The following TNR variants were observed in gnomAD, a reference collection of about 807,000 sequenced individuals.
TNR encodes the protein tenascin-R.
Under a neutral mutation model 150.4 loss-of-function variants are expected in TNR, and 45 were observed. The observed-to-expected ratio is 0.30, with a 90% CI of 0.24 to 0.38. TNR has a LOEUF of 0.38. Ranked by LOEUF, TNR falls within the 10% of genes least tolerant of loss-of-function variation. The pLI, the probability that TNR is intolerant of heterozygous loss-of-function variation, is 1.00. For synonymous variants in TNR, 687 were observed against 678.4 expected (o/e 1.01, Z -0.20); for missense variants, 1,544 against 1,759.1 (o/e 0.88, Z 2.19).
chr1:175,504,697 T>C (rs1462819226), intron 2 of TNR, among the ~76,000 whole-genome samples: 1 of 152,104 alleles, frequency 6.6e-6, no homozygotes, highest in African/African-American at 2.4e-5. Flanking sequence ...AGGAAAAGGT[T>C]TAGTCAGGAA....
At chr1:175,620,578 G>T (rs985491183) in intron 1 of TNR, among the ~76,000 whole-genome samples, 3 of 152,198 alleles carry the variant, frequency 2.0e-5, no homozygotes, top group African/African-American at 7.2e-5. Context: ...GGCAGCAGGA[G>T]GCAGAGAGAA....
chr1:175,445,587 C>T (rs1386757782), intron 2 of TNR, among the ~76,000 whole-genome samples: 1 of 152,166 alleles, frequency 6.6e-6, no homozygotes, highest in Non-Finnish European at 1.5e-5. Flanking sequence ...CATTACAGGT[C>T]CCAGAGCAGC....
At chr1:175,497,579 G>A (rs562755681) in intron 2 of TNR, among the ~76,000 whole-genome samples, 1 of 152,176 alleles carries the variant, frequency 6.6e-6, no homozygotes, top group Non-Finnish European at 1.5e-5. Flanking sequence ...AATGCCTAGG[G>A]CAGCTGCTGT....
At chr1:175,422,247 C>T (rs776783377) in intron 2 of TNR, among the ~76,000 whole-genome samples, 2 of 152,216 alleles carry the variant, frequency 1.3e-5, no homozygotes, top group Non-Finnish European at 2.9e-5. Flanking sequence ...ACACTTATCA[C>T]AATAGTTATC....
chr1:175,331,745 A>C (rs1260508374), intron 20 of TNR, among the ~76,000 whole-genome samples: 1 of 152,118 alleles, frequency 6.6e-6, no homozygotes, highest in African/African-American at 2.4e-5. Context: ...GTGACATCTG[A>C]TCTCTACTTG....
rs779905882 is a variant in TNR, at chr1:175,391,273, G to A, written c.1507+15C>T. 8.1e-6 allele frequency: 13 copies of A among 1,612,690 alleles called. No homozygotes were observed. The highest frequency in any genetic ancestry group is 1.0e-5 in the Non-Finnish European group (12 of 1,179,734). On this transcript the variant is annotated intron_variant, in intron 7 of 22. Coordinates refer to ENST00000367674, the MANE Select transcript of TNR (RefSeq NM_003285.3). ...CTAGTAGGCAGCTCTAGGGAGAAGG[G>A]TTGGAGGCACTCACCTGTGGAGACG...
chr1:175,400,086 C>G (rs1653627443), intron 4 of TNR, among the ~76,000 whole-genome samples: 1 of 152,210 alleles, frequency 6.6e-6, no homozygotes, highest in Non-Finnish European at 1.5e-5. Context: ...GGCCAGCTCC[C>G]TGGCCAGCCC....
At chr1:175,508,265 T>C (rs1481022336) in intron 2 of TNR, among the ~76,000 whole-genome samples, 1 of 152,124 alleles carries the variant, frequency 6.6e-6, no homozygotes, top group Non-Finnish European at 1.5e-5. Flanking sequence ...ATCCTAGAAC[T>C]TAAAGTAAAA....
chr1:175,503,090 C>T (rs371532719), intron 2 of TNR, among the ~76,000 whole-genome samples: 4 of 151,700 alleles, frequency 2.6e-5, no homozygotes, highest in South Asian at 2.1e-4. Flanking sequence ...GCCGCAGTGG[C>T]GCATGAGTGG....
intron 14 of TNR, among the ~76,000 whole-genome samples, chr1:175,361,615 C>T (rs370337378): frequency 7.0e-4 from 107 of 152,276 alleles, no homozygotes; most frequent in Middle Eastern, 6.8e-3. Context: ...AGAACATCTA[C>T]GAAAGCAGTA....
intron 2 of TNR, among the ~76,000 whole-genome samples, chr1:175,507,640 C>T (rs1659014241): frequency 6.6e-6 from 1 of 151,944 alleles, no homozygotes; most frequent in Non-Finnish European, 1.5e-5. Context: ...CTATAACAGT[C>T]CTCAGCCTCA....
At chr1:175,597,453 C>T (rs898600122) in intron 1 of TNR, among the ~76,000 whole-genome samples, 21 of 152,212 alleles carry the variant, frequency 1.4e-4, no homozygotes, top group Admixed American at 2.0e-4. Context: ...CTTTTGGATA[C>T]TGTGGATAGA....
At chr1:175,370,495 A>T (rs1652054393) in intron 9 of TNR, among the ~76,000 whole-genome samples, 1 of 151,874 alleles carries the variant, frequency 6.6e-6, no homozygotes, top group Admixed American at 6.6e-5. Flanking sequence ...GAAACCAGTG[A>T]TTCAGGGAGT....
chr1:175,661,249 G>A (rs939828006), intron 1 of TNR, among the ~76,000 whole-genome samples: 2 of 152,328 alleles, frequency 1.3e-5, no homozygotes, highest in Admixed American at 1.3e-4. Flanking sequence ...AAATGGAGAA[G>A]CATCTCAGGC....
intron 2 of TNR, among the ~76,000 whole-genome samples, chr1:175,456,631 A>AT (rs11305391): frequency 2.0e-5 from 3 of 151,956 alleles, no homozygotes; most frequent in East Asian, 1.9e-4. Flanking sequence ...TGCATGAGAG[A>AT]TTTTTTTTAA....
chr1:175,466,118 C>T (rs1557950926), intron 2 of TNR, among the ~76,000 whole-genome samples: 3 of 152,176 alleles, frequency 2.0e-5, no homozygotes, highest in Non-Finnish European at 4.4e-5. Context: ...ACACTGGATG[C>T]TATTACGTGC....
chr1:175,389,705 T>C (rs924219955), intron 7 of TNR, among the ~76,000 whole-genome samples: 1 of 152,272 alleles, frequency 6.6e-6, no homozygotes, highest in Non-Finnish European at 1.5e-5. Flanking sequence ...TCTTTTGTGA[T>C]AGCAGTGTTG....
chr1:175,548,714 C>A (rs1476344064), intron 1 of TNR, among the ~76,000 whole-genome samples: 2 of 151,162 alleles, frequency 1.3e-5, no homozygotes, highest in African/African-American at 4.9e-5. Context: ...CTGGGGAGCA[C>A]CCGACAGTGA....
At position 175,330,121 on chromosome 1, in the gene TNR, C is replaced by T; in HGVS notation, c.3746G>A (p.Ser1249Asn). 1 of 1,611,794 alleles carries T rather than the reference C, an allele frequency of 6.2e-7. No homozygotes were observed. Among genetic ancestry groups the T allele is most frequent in the African/African-American group, 1.3e-5 (1 of 75,034 alleles). Residue 1249 changes from serine (S) to asparagine (N), a missense_variant, in exon 21 of 23, where the codon AGC becomes AAC. Coordinates refer to ENST00000367674, the MANE Select transcript of TNR (RefSeq NM_003285.3). Reference protein sequence around the residue: ...ASYDRFSVEDSRNLYKLRIGS... With the variant: ...ASYDRFSVEDNRNLYKLRIGS... ...TATGCGGAGTTTGTACAGGTTTCTG[C>T]TGTCCTCGACAGAGAACCTGTCGTA...
Sources: gnomAD v4.1 joint callset for allele counts (sites outside exome capture counted in the v4.1 genomes callset) on GRCh38, gnomAD v4.1.1 for gene constraint, MANE v1.5 for transcripts, NCBI Gene and HGNC (gene_info 2026-07-23, HGNC 2026-07-21) for gene names.